MAP4K3: variants seen among roughly 807,000 people sequenced by gnomAD.
MAP4K3 encodes mitogen-activated protein kinase kinase kinase kinase 3, also known as MAPK/ERK kinase kinase kinase 3.
Under a neutral mutation model 143.5 loss-of-function variants are expected in MAP4K3, and 94 were observed. That is an observed-to-expected ratio of 0.65 (90% CI 0.55 to 0.78). The LOEUF (loss-of-function observed/expected upper bound fraction) is 0.78, where lower values mean the gene tolerates loss of function less well. Among genes scored for constraint, MAP4K3 ranks in the 30% least tolerant of loss-of-function variants. MAP4K3 has a pLI of 0.00. For missense variants in MAP4K3, 1,077 were observed against 1,068.1 expected, an observed-to-expected ratio of 1.01 and a Z score of -0.12; for synonymous variants, 416 against 347.2, an observed-to-expected ratio of 1.20 and a Z score of -2.20.
chr2:39,280,833 T>C lies in MAP4K3; in HGVS notation c.1630-477A>G, dbSNP rs144149036. Among the ~76,000 whole-genome samples the C allele has an allele frequency of 1.8e-3, 267 of 152,320 alleles. 1 individual carries two copies. Among genetic ancestry groups the C allele is most frequent in the Middle Eastern group, 0.017 (5 of 294 alleles). On this transcript the variant is annotated intron_variant, in intron 22 of 33. Transcript: ENST00000263881. ...GTATGGCTGATTTGAAATTCATATA[T>C]GTGCTTCAACCTCCAAACACAGACT...
intron 2 of MAP4K3, among the ~76,000 whole-genome samples, chr2:39,366,472 T>G (rs758269861): frequency 6.6e-6 from 1 of 152,166 alleles, no homozygotes; most frequent in Non-Finnish European, 1.5e-5. Flanking sequence ...CAGACGAAAT[T>G]TCAGACGAAG....
intron 31 of MAP4K3, among the ~76,000 whole-genome samples, chr2:39,256,747 G>A (rs893845647): frequency 3.3e-5 from 5 of 152,126 alleles, no homozygotes; most frequent in African/African-American, 1.2e-4. Context: ...TTCCTTGTCT[G>A]TAGTCTGAAA....
At chr2:39,305,678 C>G (rs773457822) in intron 15 of MAP4K3, among the ~76,000 whole-genome samples, 1 of 152,160 alleles carries the variant, frequency 6.6e-6, no homozygotes, top group Non-Finnish European at 1.5e-5. Context: ...AGACCCCTGT[C>G]AAATGCTCCC....
intron 24 of MAP4K3, among the ~76,000 whole-genome samples, chr2:39,277,930 T>C (rs1681340939): frequency 6.6e-6 from 1 of 151,802 alleles, no homozygotes; most frequent in Non-Finnish European, 1.5e-5. Flanking sequence ...TCCCAGCACT[T>C]GAGGCCAGGA....
At chr2:39,256,545 A>AC (rs1680348524) in intron 31 of MAP4K3, among the ~76,000 whole-genome samples, 2 of 152,352 alleles carry the variant, frequency 1.3e-5, no homozygotes, top group Non-Finnish European at 2.9e-5. Context: ...ATTGTGTATT[A>AC]CATAAATACA....
chr2:39,382,962 C>T (rs1666391772), intron 1 of MAP4K3, among the ~76,000 whole-genome samples: 2 of 152,124 alleles, frequency 1.3e-5, no homozygotes, highest in African/African-American at 2.4e-5. Context: ...GGGCACAGAA[C>T]GAAAAGCATG....
intron 19 of MAP4K3, among the ~76,000 whole-genome samples, chr2:39,290,084 C>CAAAAAAAAAAAAAAAAA (rs57058905): frequency 1.8e-5 from 2 of 111,976 alleles, no homozygotes; most frequent in African/African-American, 3.8e-5. Context: ...GAGACTGTCT[C>CAAAAAAAAAAAAAAAAA]AAAAAAAAAA....
intron 1 of MAP4K3, among the ~76,000 whole-genome samples, chr2:39,436,366 G>A (rs1256612885): frequency 6.6e-6 from 1 of 151,890 alleles, no homozygotes; most frequent in Admixed American, 6.6e-5. Flanking sequence ...GAAACTGACA[G>A]GGGGATGAAT....
intron 29 of MAP4K3, among the ~76,000 whole-genome samples, 196 bp downstream of exon 29, chr2:39,260,410 C>A (rs1680519907): frequency 6.6e-6 from 1 of 152,122 alleles, no homozygotes. Context: ...CCCACCATGC[C>A]CTGCCAGCCA....
chr2:39,341,045 A>G (rs113040437), intron 4 of MAP4K3, among the ~76,000 whole-genome samples: 1 of 152,168 alleles, frequency 6.6e-6, no homozygotes, highest in East Asian at 1.9e-4. Context: ...AGATGTGATA[A>G]AAGAGCAAAA....
At chr2:39,370,259 G>C (rs533187847) in intron 2 of MAP4K3, among the ~76,000 whole-genome samples, 100 of 152,254 alleles carry the variant, frequency 6.6e-4, no homozygotes, top group African/African-American at 2.3e-3. Context: ...ATTTAAGAGT[G>C]ACTAAGCTAT....
intron 4 of MAP4K3, among the ~76,000 whole-genome samples, chr2:39,340,529 A>C (rs1187258809): frequency 6.6e-6 from 1 of 152,220 alleles, no homozygotes; most frequent in Non-Finnish European, 1.5e-5. Flanking sequence ...TACTTTTACC[A>C]GTTAGGTTGA....
At chr2:39,345,854 G>C (rs924337078) in intron 3 of MAP4K3, among the ~76,000 whole-genome samples, 1 of 148,304 alleles carries the variant, frequency 6.7e-6, no homozygotes, top group Non-Finnish European at 1.5e-5. Context: ...CCCGGGAGGC[G>C]GAGCTTGCAG....
At chr2:39,392,133 T>G (rs929298217) in intron 1 of MAP4K3, among the ~76,000 whole-genome samples, 3 of 128,118 alleles carry the variant, frequency 2.3e-5, no homozygotes, top group African/African-American at 9.0e-5. Flanking sequence ...TGCAGTGAGC[T>G]GAGATTGCAC....
At chr2:39,251,512 G>C (rs528796518) in intron 33 of MAP4K3, among the ~76,000 whole-genome samples, 1 of 152,170 alleles carries the variant, frequency 6.6e-6, no homozygotes, top group South Asian at 2.1e-4. Flanking sequence ...AATCAGAACA[G>C]GTCTCCAAAA....
At position 39,324,891 on chromosome 2, in the gene MAP4K3, A is replaced by C. The variant is rs1367722260; in HGVS notation, c.918+627T>G. On this transcript the variant is annotated intron_variant, in intron 12 of 33. Transcript: ENST00000263881. ...CAACTATACTGGCTCATTTTAAAAC[A>C]TTTCCATAGTGAATAGCTGAGTTTT... Among the ~76,000 whole-genome samples, 6 of 152,222 alleles carry C rather than the reference A, an allele frequency of 3.9e-5. No individual in the cohort carries two copies. The East Asian group carries it at 1.2e-3, about 29-fold the overall frequency.
At chr2:39,296,613 G>C (rs1451338524) in intron 16 of MAP4K3, among the ~76,000 whole-genome samples, 2 of 152,198 alleles carry the variant, frequency 1.3e-5, no homozygotes, top group Non-Finnish European at 2.9e-5. Flanking sequence ...TAAAGAATCA[G>C]TGCTGCGGTT....
At chr2:39,428,724 T>C (rs1214714781) in intron 1 of MAP4K3, among the ~76,000 whole-genome samples, 1 of 152,018 alleles carries the variant, frequency 6.6e-6, no homozygotes, top group Non-Finnish European at 1.5e-5. Context: ...TGGATATCTT[T>C]TTAAATAGTC....
At chr2:39,328,416 C>CA (rs1388894887) in intron 8 of MAP4K3, among the ~76,000 whole-genome samples, 1 of 151,950 alleles carries the variant, frequency 6.6e-6, no homozygotes, top group African/African-American at 2.4e-5. Context: ...AAAGATGAGC[C>CA]AAAAAACCTG....
Sources: allele counts gnomAD v4.1 joint callset (sites outside exome capture counted in the v4.1 genomes callset), GRCh38; gene constraint gnomAD v4.1.1; transcripts MANE v1.5; gene names NCBI Gene and HGNC (gene_info 2026-07-23, HGNC 2026-07-21).